DRC9: variants seen among roughly 807,000 people sequenced by gnomAD.
DRC9 encodes dynein regulatory complex protein 9.
the DRC9 span, chr3:197,944,016 AC>A: frequency 1.1e-5 from 17 of 1,614,020 alleles, no homozygotes; most frequent in African/African-American, 2.7e-5. Context: ...AGAATGCCAA[AC>A]TTTTGGAGGA....
chr3:197,909,878 A>T, the DRC9 span, among the ~76,000 whole-genome samples: 3 of 152,144 alleles, frequency 2.0e-5, no homozygotes, highest in Non-Finnish European at 4.4e-5. Context: ...ATGTAATCCC[A>T]GCTACTCGGG....
chr3:197,944,233 A>G, the DRC9 span, among the ~76,000 whole-genome samples: 1 of 151,204 alleles, frequency 6.6e-6, no homozygotes, highest in Admixed American at 6.6e-5. Flanking sequence ...ATTTTGACCA[A>G]CCAAAGGCAA....
the DRC9 span, among the ~76,000 whole-genome samples, chr3:197,907,181 A>G: frequency 1.3e-5 from 2 of 152,168 alleles, no homozygotes; most frequent in Non-Finnish European, 2.9e-5. Flanking sequence ...GCTTTTAGAG[A>G]GGCAGATGCT....
the DRC9 span, among the ~76,000 whole-genome samples, chr3:197,936,623 A>G: frequency 3.3e-5 from 5 of 152,186 alleles, no homozygotes; most frequent in African/African-American, 1.2e-4. Flanking sequence ...TTGGCCTCCC[A>G]AAGCATTAGG....
the DRC9 span, chr3:197,958,750 G>A: frequency 1.3e-5 from 2 of 152,228 alleles, no homozygotes. Flanking sequence ...TTACTGAGAT[G>A]ATGCAGCATT....
At chr3:197,944,080 C>A in the DRC9 span, 1 of 1,591,900 alleles carries the variant, frequency 6.3e-7, no homozygotes, top group South Asian at 1.1e-5. Flanking sequence ...AAAAATAAGT[C>A]AGCAACCAAT....
the DRC9 span, among the ~76,000 whole-genome samples, chr3:197,931,018 G>A: frequency 6.6e-6 from 1 of 151,066 alleles, no homozygotes. Flanking sequence ...TGGTGACAGA[G>A]CGAGACTCCA....
the DRC9 span, chr3:197,932,214 C>A: frequency 6.2e-7 from 1 of 1,613,526 alleles, no homozygotes; most frequent in Non-Finnish European, 8.5e-7. Flanking sequence ...TTTTCCCTCT[C>A]TTTGCTCAAA....
At chr3:197,940,976 G>T in the DRC9 span, among the ~76,000 whole-genome samples, 1 of 149,680 alleles carries the variant, frequency 6.7e-6, no homozygotes, top group African/African-American at 2.5e-5. Context: ...TCATTTACTG[G>T]AGTAGTGACC....
the DRC9 span, among the ~76,000 whole-genome samples, chr3:197,919,928 G>A: frequency 7.7e-4 from 117 of 152,156 alleles, 1 homozygote; most frequent in African/African-American, 1.1e-3. Context: ...AGCCAGGCTC[G>A]GTGGCTCACG....
chr3:197,896,297 C>T, the DRC9 span, among the ~76,000 whole-genome samples: 248 of 147,842 alleles, frequency 1.7e-3, 1 homozygote, highest in African/African-American at 5.8e-3. Flanking sequence ...GAGCCAAGAT[C>T]GCACCATTGC....
At chr3:197,940,338 A>G in the DRC9 span, among the ~76,000 whole-genome samples, 1 of 150,128 alleles carries the variant, frequency 6.7e-6, no homozygotes, top group Non-Finnish European at 1.5e-5. Flanking sequence ...AATATATTTT[A>G]TATTGCACAT....
At chr3:197,906,245 G>C in the DRC9 span, 1 of 152,122 alleles carries the variant, frequency 6.6e-6, no homozygotes, top group Admixed American at 6.5e-5. Flanking sequence ...GGGACACCCG[G>C]CCGCACTTGT....
chr3:197,955,820 T>C, the DRC9 span: 2 of 1,453,362 alleles, frequency 1.4e-6, no homozygotes. Flanking sequence ...CTCTTGTATT[T>C]TTAAGTGGAT....
chr3:197,945,716 T>C, the DRC9 span: 2 of 847,020 alleles, frequency 2.4e-6, no homozygotes, highest in Non-Finnish European at 3.9e-6. Flanking sequence ...CTGAGATTAG[T>C]TTATGGGCGT....
chr3:197,939,687 T>C, the DRC9 span, among the ~76,000 whole-genome samples: 1 of 152,194 alleles, frequency 6.6e-6, no homozygotes, highest in East Asian at 1.9e-4. Flanking sequence ...ATGGTTATTA[T>C]TTTAGATTTT....
chr3:197,921,174 C>T, the DRC9 span, among the ~76,000 whole-genome samples: 7 of 124,288 alleles, frequency 5.6e-5, no homozygotes, highest in Admixed American at 1.6e-4. Flanking sequence ...TCATCTTGGT[C>T]GACCCGACTA....
chr3:197,903,967 T>TATAC, the DRC9 span, among the ~76,000 whole-genome samples: 3 of 149,238 alleles, frequency 2.0e-5, no homozygotes, highest in South Asian at 4.2e-4. Context: ...GTGTATAACA[T>TATAC]ATACATACAT....
the DRC9 span, among the ~76,000 whole-genome samples, chr3:197,931,076 A>G: frequency 2.6e-5 from 4 of 152,080 alleles, no homozygotes; most frequent in Non-Finnish European, 4.4e-5. Context: ...AAAGAGTTGG[A>G]AGACAAAGTT....
Sources: gnomAD v4.1 joint callset for allele counts (sites outside exome capture counted in the v4.1 genomes callset) on GRCh38, gnomAD v4.1.1 for gene constraint, MANE v1.5 for transcripts, NCBI Gene and HGNC (gene_info 2026-07-23, HGNC 2026-07-21) for gene names.